Variants in CFAP210 observed in about 807,000 individuals in gnomAD.
CFAP210 encodes the protein cilia and flagella associated protein 210.
At chr2:169,686,970 T>C in the CFAP210 span, among the ~76,000 whole-genome samples, 1 of 152,152 alleles carries the variant, frequency 6.6e-6, no homozygotes, top group African/African-American at 2.4e-5. Flanking sequence ...CTCAGAATCA[T>C]GGTGAGAGGC....
chr2:169,666,709 G>T, the CFAP210 span, among the ~76,000 whole-genome samples: 1 of 152,096 alleles, frequency 6.6e-6, no homozygotes, highest in African/African-American at 2.4e-5. Context: ...TCTGTAGTAC[G>T]TAATGCTGTT....
chr2:169,662,698 C>T, the CFAP210 span, among the ~76,000 whole-genome samples: 1 of 152,122 alleles, frequency 6.6e-6, no homozygotes, highest in Non-Finnish European at 1.5e-5. Flanking sequence ...TTAGAAAGAA[C>T]CAGTTAATGG....
At chr2:169,649,443 T>C in the CFAP210 span, 1 of 1,126,602 alleles carries the variant, frequency 8.9e-7, no homozygotes, top group Admixed American at 2.3e-5. Flanking sequence ...CAGAGGAGAG[T>C]CAGCCAGGAG....
chr2:169,671,576 C>T, the CFAP210 span, among the ~76,000 whole-genome samples: 2 of 152,212 alleles, frequency 1.3e-5, no homozygotes, highest in Admixed American at 6.5e-5. Context: ...TCAAGCAATT[C>T]TCTTGCCTCA....
chr2:169,663,281 T>A, the CFAP210 span, among the ~76,000 whole-genome samples: 3 of 151,988 alleles, frequency 2.0e-5, no homozygotes, highest in South Asian at 2.1e-4. Flanking sequence ...CTCTTTTTTT[T>A]TTTTTTCCTG....
chr2:169,645,915 G>T, the CFAP210 span: 1 of 1,613,858 alleles, frequency 6.2e-7, no homozygotes, highest in Non-Finnish European at 8.5e-7. Flanking sequence ...TAAAAAGGGA[G>T]CTGGACTCCA....
the CFAP210 span, among the ~76,000 whole-genome samples, chr2:169,682,737 G>A: frequency 2.0e-5 from 3 of 152,132 alleles, no homozygotes; most frequent in African/African-American, 7.2e-5. Flanking sequence ...GCATAACAAA[G>A]GTAGGACAGC....
At chr2:169,693,409 T>A in the CFAP210 span, among the ~76,000 whole-genome samples, 61 of 152,344 alleles carry the variant, frequency 4.0e-4, no homozygotes, top group South Asian at 1.2e-3. Context: ...TCCTTTTACA[T>A]GGCAAAAGTC....
chr2:169,650,335 G>A, the CFAP210 span: 2 of 1,582,318 alleles, frequency 1.3e-6, no homozygotes, highest in Non-Finnish European at 8.6e-7. Flanking sequence ...TTACCACAAT[G>A]GCTCGATATT....
chr2:169,688,142 T>C, the CFAP210 span, among the ~76,000 whole-genome samples: 1 of 152,170 alleles, frequency 6.6e-6, no homozygotes, highest in Non-Finnish European at 1.5e-5. Flanking sequence ...AACCATTTTT[T>C]CCTCCTGGAT....
the CFAP210 span, among the ~76,000 whole-genome samples, chr2:169,678,844 T>A: frequency 4.0e-5 from 6 of 151,194 alleles, no homozygotes; most frequent in Non-Finnish European, 8.9e-5. Context: ...AAAAATAAAA[T>A]AAAAAATTAA....
At chr2:169,654,294 CA>C in the CFAP210 span, 3 of 1,221,422 alleles carry the variant, frequency 2.5e-6, no homozygotes, top group Non-Finnish European at 3.3e-6. Context: ...AAGAACCTGT[CA>C]AATGGTCACA....
the CFAP210 span, among the ~76,000 whole-genome samples, chr2:169,676,366 CA>C: frequency 6.3e-3 from 879 of 140,434 alleles, 19 homozygotes; most frequent in East Asian, 0.068. Flanking sequence ...TTCTGTGTTA[CA>C]AAAAAAAAAA....
At chr2:169,646,068 CCT>C in the CFAP210 span, 2 of 1,613,760 alleles carry the variant, frequency 1.2e-6, no homozygotes, top group African/African-American at 2.7e-5. Context: ...AGTTCAATTA[CCT>C]CTCTGGCATA....
the CFAP210 span, among the ~76,000 whole-genome samples, chr2:169,679,233 C>A: frequency 1.3e-5 from 2 of 152,152 alleles, no homozygotes; most frequent in African/African-American, 4.8e-5. Flanking sequence ...TTCTTTCCAA[C>A]TTTTATTTTA....
At chr2:169,694,377 C>A in the CFAP210 span, 1 of 1,581,692 alleles carries the variant, frequency 6.3e-7, no homozygotes, top group Non-Finnish European at 8.7e-7. Context: ...GCCGCGGACG[C>A]CAGCCGGTGG....
chr2:169,692,257 A>G, the CFAP210 span, among the ~76,000 whole-genome samples: 1 of 152,148 alleles, frequency 6.6e-6, no homozygotes, highest in African/African-American at 2.4e-5. Context: ...TGCCTGTTTC[A>G]TGCTGTTATA....
the CFAP210 span, among the ~76,000 whole-genome samples, chr2:169,655,818 G>A: frequency 3.9e-4 from 59 of 152,060 alleles, no homozygotes; most frequent in African/African-American, 1.4e-3. Context: ...AAAAGTCTTA[G>A]GAATTAAAAT....
At chr2:169,663,732 G>A in the CFAP210 span, among the ~76,000 whole-genome samples, 7 of 151,490 alleles carry the variant, frequency 4.6e-5, no homozygotes, top group South Asian at 1.5e-3. Flanking sequence ...TTTAGGAGGA[G>A]GTAAGAAAAA....
Sources: allele counts gnomAD v4.1 joint callset (sites outside exome capture counted in the v4.1 genomes callset), GRCh38; gene constraint gnomAD v4.1.1; transcripts MANE v1.5; gene names NCBI Gene and HGNC (gene_info 2026-07-23, HGNC 2026-07-21).